The following ZNRF2 variants were observed in gnomAD, a reference collection of about 807,000 sequenced individuals.
ZNRF2 encodes zinc and ring finger 2, also known as E3 ubiquitin-protein ligase ZNRF2.
ZNRF2 carries 16 observed loss-of-function variants against 20.4 expected under a neutral mutation model. The ratio of observed to expected loss-of-function variants is 0.79; its 90% CI spans 0.53 to 1.19. The LOEUF (loss-of-function observed/expected upper bound fraction) is 1.19, where lower values mean the gene tolerates loss of function less well. Ranked by LOEUF, ZNRF2 falls within the 50% of genes most tolerant of loss-of-function variation. The pLI, the probability that ZNRF2 is intolerant of heterozygous loss-of-function variation, is 0.00. For synonymous variants in ZNRF2, 178 were observed against 144.9 expected, an observed-to-expected ratio of 1.23 and a Z score of -1.64; for missense variants, 363 against 332.4, an observed-to-expected ratio of 1.09 and a Z score of -0.72.
intron 1 of ZNRF2, among the ~76,000 whole-genome samples, chr7:30,299,731 T>C (rs1799078014): frequency 2.0e-5 from 3 of 152,078 alleles, no homozygotes; most frequent in Admixed American, 2.0e-4. Flanking sequence ...TGATGGAGGC[T>C]GTTATTGGCA....
chr7:30,342,541 A>G (rs1463606367), intron 2 of ZNRF2, among the ~76,000 whole-genome samples: 1 of 152,176 alleles, frequency 6.6e-6, no homozygotes, highest in Non-Finnish European at 1.5e-5. Context: ...AGAATGTTGA[A>G]TATTGGCCCC....
chr7:30,325,324 AG>A (rs1799535359), intron 2 of ZNRF2, among the ~76,000 whole-genome samples: 1 of 152,208 alleles, frequency 6.6e-6, no homozygotes, highest in Non-Finnish European at 1.5e-5. Context: ...GCCAATTGAA[AG>A]ATTGGCTAAA....
At chr7:30,349,486 T>C (rs1799931432) in intron 2 of ZNRF2, among the ~76,000 whole-genome samples, 2 of 152,122 alleles carry the variant, frequency 1.3e-5, no homozygotes, top group African/African-American at 4.8e-5. Context: ...TTGAGAGGTA[T>C]TATTTATTTC....
At chr7:30,314,012 G>C (rs1562609593) in intron 1 of ZNRF2, among the ~76,000 whole-genome samples, 1 of 152,164 alleles carries the variant, frequency 6.6e-6, no homozygotes. Context: ...TTTTCCATGA[G>C]AGCTGACCTG....
chr7:30,299,311 C>T (rs58329939), intron 1 of ZNRF2, among the ~76,000 whole-genome samples: 1,753 of 151,632 alleles, frequency 0.012, 33 homozygotes, highest in African/African-American at 0.039. Context: ...CCCAGCGACT[C>T]GGGAGGCTGA....
chr7:30,346,146 G>GTT (rs1008701795), intron 2 of ZNRF2, among the ~76,000 whole-genome samples: 1 of 38,124 alleles, frequency 2.6e-5, no homozygotes, highest in African/African-American at 6.3e-5. Flanking sequence ...TAATTTCAGT[G>GTT]TTTTTTTTTT....
At position 30,301,816 on chromosome 7, in the gene ZNRF2, C is replaced by T. The variant is rs180950640; in HGVS notation, c.469+15990C>T. On this transcript the variant is annotated intron_variant, in intron 1 of 4. Coordinates refer to ENST00000323037, the MANE Select transcript of ZNRF2 (RefSeq NM_147128.4). Reference sequence around the variant, plus strand: ...GGTAATTAAATGTATAATATAAGAACAGACAATTAGGTCAGTAGCCTGGAG... The same window carrying T: ...GGTAATTAAATGTATAATATAAGAATAGACAATTAGGTCAGTAGCCTGGAG... Among the ~76,000 whole-genome samples, 53 of 150,816 alleles carry T rather than the reference C, an allele frequency of 3.5e-4. 1 individual carries two copies. In the East Asian group the frequency reaches 9.6e-3, roughly 27 times the overall value.
At chr7:30,349,270 T>C (rs1211534659) in intron 2 of ZNRF2, among the ~76,000 whole-genome samples, 1 of 152,212 alleles carries the variant, frequency 6.6e-6, no homozygotes, top group African/African-American at 2.4e-5. Flanking sequence ...TGTCCAAAGC[T>C]CAAGCCTGTT....
chr7:30,334,867 A>G (rs1799692618), intron 2 of ZNRF2, among the ~76,000 whole-genome samples: 1 of 152,208 alleles, frequency 6.6e-6, no homozygotes, highest in Non-Finnish European at 1.5e-5. Flanking sequence ...GATAACAGAC[A>G]GATTGCTTAC....
At chr7:30,316,493 T>C (rs1294581378) in intron 1 of ZNRF2, among the ~76,000 whole-genome samples, 1 of 152,090 alleles carries the variant, frequency 6.6e-6, no homozygotes, top group East Asian at 1.9e-4. Flanking sequence ...GAGGATTAAT[T>C]AGACATTTAG....
intron 3 of ZNRF2, among the ~76,000 whole-genome samples, chr7:30,360,930 G>A (rs999637322): frequency 1.3e-5 from 2 of 152,180 alleles, no homozygotes; most frequent in Admixed American, 1.3e-4. Flanking sequence ...GTGCTTTCCT[G>A]CTAGGTCTGA....
intron 2 of ZNRF2, among the ~76,000 whole-genome samples, chr7:30,333,258 T>C (rs940423635): frequency 6.6e-6 from 1 of 152,022 alleles, no homozygotes; most frequent in African/African-American, 2.4e-5. Flanking sequence ...TTCGCCATGT[T>C]GGCCAGGCTG....
chr7:30,309,445 A>T (rs1023660307), intron 1 of ZNRF2, among the ~76,000 whole-genome samples: 1 of 152,076 alleles, frequency 6.6e-6, no homozygotes, highest in African/African-American at 2.4e-5. Context: ...TAGACAGCTA[A>T]AAGACACCCT....
Position 30,315,311 on chromosome 7 carries a change from A to G in ZNRF2, c.470-8331A>G, listed in dbSNP as rs140373399. On this transcript the variant is annotated intron_variant, in intron 1 of 4. Coordinates refer to ENST00000323037, the MANE Select transcript of ZNRF2 (RefSeq NM_147128.4). ...TTGGAAATCTCAAAATAGACCCCCT[A>G]TGATTGTTGCATGGTTGTAACATTT... is the stretch of plus-strand genomic sequence containing the variant. Among the ~76,000 whole-genome samples the G allele has an allele frequency of 3.3e-5, 5 of 152,270 alleles. No individual in the cohort carries two copies. The East Asian group carries it at 9.6e-4, about 29-fold the overall frequency.
intron 3 of ZNRF2, among the ~76,000 whole-genome samples, chr7:30,359,006 T>G (rs973302829): frequency 2.6e-5 from 4 of 152,200 alleles, no homozygotes; most frequent in Non-Finnish European, 5.9e-5. Flanking sequence ...AAAATTGATT[T>G]GCCAGAGACG....
At chr7:30,298,794 T>G (rs1449062374) in intron 1 of ZNRF2, among the ~76,000 whole-genome samples, 1 of 152,196 alleles carries the variant, frequency 6.6e-6, no homozygotes, top group African/African-American at 2.4e-5. Flanking sequence ...TTACGCAGAC[T>G]GGCGATGAAT....
intron 1 of ZNRF2, among the ~76,000 whole-genome samples, chr7:30,300,036 G>A (rs1484394689): frequency 6.6e-6 from 1 of 151,876 alleles, no homozygotes; most frequent in Non-Finnish European, 1.5e-5. Flanking sequence ...TGCCCGCCTT[G>A]GCCTCCCAAA....
At position 30,285,651 on chromosome 7, in the gene ZNRF2, G is replaced by C; in HGVS notation, c.294G>C (p.Gln98His). The C allele has an allele frequency of 7.3e-7, 1 of 1,365,822 alleles. No homozygotes were observed. The highest frequency in any genetic ancestry group is 1.6e-5 in the South Asian group (1 of 60,982). The allele number at this position is 1,365,822 out of a possible 1,614,324, so 84.6% of individuals were successfully genotyped here. The change falls in exon 1 of 5, where the codon CAG (glutamine) becomes CAC (histidine). Residue 98 changes from glutamine (Q) to histidine (H), a missense_variant. Coordinates refer to ENST00000323037, the MANE Select transcript of ZNRF2 (RefSeq NM_147128.4). ...TGGCGTCGGGGGCCCGCGCGGCGCA[G>C]TCCCCCTTCAGCATCCCGAACAGCA... ...GSVASGARAA[Q>H]SPFSIPNSSS...
In ZNRF2 at chr7:30,357,501, G is replaced by A. The variant is rs556662249; in HGVS notation, c.671+1668G>A. On this transcript the variant is annotated intron_variant, in intron 3 of 4. Transcript: ENST00000323037. ...GGTTCATGTTACAGTAGAAAGAAAG[G>A]CTGAAAACCCAATAAGCCAAGTTTC... 1.4e-4 allele frequency among the ~76,000 whole-genome samples: 21 copies of A among 152,160 alleles called. 2 individuals are homozygous for A. In the South Asian group the frequency reaches 3.7e-3, roughly 27 times the overall value.
Sources: allele counts gnomAD v4.1 joint callset (sites outside exome capture counted in the v4.1 genomes callset), GRCh38; gene constraint gnomAD v4.1.1; transcripts MANE v1.5; gene names NCBI Gene and HGNC (gene_info 2026-07-23, HGNC 2026-07-21).